The following F2 variants were observed in gnomAD, a reference collection of about 807,000 sequenced individuals.
F2 encodes prothrombin.
Under a neutral mutation model 81.9 loss-of-function variants are expected in F2, and 34 were observed. The observed-to-expected ratio is 0.42, with a 90% CI of 0.32 to 0.55. The LOEUF (loss-of-function observed/expected upper bound fraction) is 0.55, where lower values mean the gene tolerates loss of function less well. Ranked by LOEUF, F2 falls within the 20% of genes least tolerant of loss-of-function variation. The pLI, the probability that F2 is intolerant of heterozygous loss-of-function variation, is 0.18. For missense variants in F2, 630 were observed against 833.4 expected, an observed-to-expected ratio of 0.76 and a Z score of 3.00; for synonymous variants, 296 against 326.4, an observed-to-expected ratio of 0.91 and a Z score of 1.01.
intron 4 of F2, among the ~76,000 whole-genome samples, chr11:46,722,053 C>T (rs1210793445): frequency 1.3e-5 from 2 of 151,946 alleles, no homozygotes; most frequent in African/African-American, 4.8e-5. Context: ...CCATGTTGGC[C>T]AGGCTGGTCA....
At chr11:46,731,912 G>GTTTT (rs71042616) in intron 12 of F2, among the ~76,000 whole-genome samples, 71 of 88,150 alleles carry the variant, frequency 8.1e-4, no homozygotes, top group Admixed American at 1.5e-3. Flanking sequence ...ACACTTTGAT[G>GTTTT]TTTTTTTTTT....
At chr11:46,735,139 C>CTA (rs2064936250) in intron 12 of F2, among the ~76,000 whole-genome samples, 1 of 152,142 alleles carries the variant, frequency 6.6e-6, no homozygotes, top group Non-Finnish European at 1.5e-5. Context: ...TAGCAAGACC[C>CTA]TGTCTCTACA....
At position 46,719,997 on chromosome 11, in the gene F2, C is replaced by G. The variant is rs1592408001; in HGVS notation, c.240+135C>G. 1.6e-6 allele frequency: 2 copies of G among 1,272,264 alleles called. No homozygotes were observed. Among genetic ancestry groups the G allele is most frequent in the Admixed American group, 4.0e-5 (2 of 49,404 alleles). The allele number at this position is 1,272,264 out of a possible 1,614,324, so 78.8% of individuals were successfully genotyped here. A position where few individuals can be genotyped will look rare whatever the true frequency, so the allele number is the denominator to read the frequency against. ...CTCATTTCAACTCTGAGCCCCTCCT[C>G]ACAGGGCTGGCAAGAGGAGCGGCCT... On this transcript the variant is annotated intron_variant, in intron 2 of 13. Transcript: ENST00000311907. This position sits in a 1 kb window ranked among gnomAD's most constrained non-coding sequence, Gnocchi z 4.7.
chr11:46,738,961 G>A (rs975008945), intron 12 of F2, 87 bp from the exon 13 acceptor site: 1 of 1,352,014 alleles, frequency 7.4e-7, no homozygotes, highest in Non-Finnish European at 1.1e-6. Flanking sequence ...GGAGGGGTAA[G>A]TGGACTCTCA....
chr11:46,739,209 A>G, intron 13 of F2, 56 bp from the exon 14 acceptor site: 1 of 1,613,694 alleles, frequency 6.2e-7, no homozygotes, highest in Admixed American at 1.7e-5. Context: ...CTGGCAGGGG[A>G]ATACTGATGT....
At chr11:46,736,284 T>C (rs1046960587) in intron 12 of F2, among the ~76,000 whole-genome samples, 8 of 152,210 alleles carry the variant, frequency 5.3e-5, no homozygotes, top group African/African-American at 1.9e-4. Flanking sequence ...TATCTTATTT[T>C]CATTTATTTA....
In F2 at chr11:46,728,006, C is replaced by G. The variant is rs1000646970; in HGVS notation, c.1141C>G (p.Leu381Val). ...TGCTGCCCCTCCCAGGCAGGTGATGCTTTTCCGGAAGAGTCCCCAGGAGCT... is the reference window on the plus strand; with the variant it reads ...TGCTGCCCCTCCCAGGCAGGTGATGGTTTTCCGGAAGAGTCCCCAGGAGCT... ...EIGMSPWQVM[L>V]FRKSPQELLC... Residue 381 changes from leucine to valine, a missense_variant, in exon 10 of 14, where the codon CTT becomes GTT. Transcript: ENST00000311907. The surrounding 1 kb of genome is among the most constrained non-coding windows in gnomAD (Gnocchi z 5.1). 2 of 1,610,026 alleles carry G rather than the reference C, an allele frequency of 1.2e-6. No individual in the cohort carries two copies. The highest frequency in any genetic ancestry group is 1.7e-6 in the Non-Finnish European group (2 of 1,178,874).
In F2 at chr11:46,728,493, C is replaced by A. The variant is rs1446352066; in HGVS notation, c.1299-171C>A. Among the ~76,000 whole-genome samples, 1 of 152,166 alleles carries A rather than the reference C, an allele frequency of 6.6e-6. No individual in the cohort carries two copies. The highest frequency in any genetic ancestry group is 1.5e-5 in the Non-Finnish European group (1 of 68,028). On this transcript the variant is annotated intron_variant, in intron 10 of 13. Transcript: ENST00000311907. This position sits in a 1 kb window ranked among gnomAD's most constrained non-coding sequence, Gnocchi z 5.1. Reference sequence around the variant, plus strand: ...TGTCTGACTCCAAAGCCCTGCACGGCTTTAGGCCCAGGAAGAAACACCCAG... The same window carrying A: ...TGTCTGACTCCAAAGCCCTGCACGGATTTAGGCCCAGGAAGAAACACCCAG...
In F2 at chr11:46,719,703, G is replaced by A; in HGVS notation, c.81G>A (p.Val27=). The change falls in exon 2 of 14, where the codon GTG becomes GTA. Residue 27 remains valine (V), a splice_region_variant and synonymous_variant. Transcript: ENST00000311907. This position sits in a 1 kb window ranked among gnomAD's most constrained non-coding sequence, Gnocchi z 4.7. ...CATGACCCCCCCACCGCCTTACAGT[G>A]TTCCTGGCTCCTCAGCAAGCACGGT... The part of the protein sequence containing the change: ...ALCSLVHSQH[V]FLAPQQARSL... 2 of 1,589,100 alleles carry A rather than the reference G, an allele frequency of 1.3e-6. No homozygotes were observed. The highest frequency in any genetic ancestry group is 1.7e-6 in the Non-Finnish European group (2 of 1,169,050).
Position 46,728,222 on chromosome 11 carries a change from T to C in F2, c.1298+59T>C. On this transcript the variant is annotated intron_variant, in intron 10 of 13. Coordinates refer to ENST00000311907, the MANE Select transcript of F2 (RefSeq NM_000506.5). This position sits in a 1 kb window ranked among gnomAD's most constrained non-coding sequence, Gnocchi z 5.1. ...GGGTCTGAGTCCTCCAAAGCGATCA[T>C]GAGGGGCCCTGGTGGCTCCGGGACA... 1.9e-6 allele frequency: 3 copies of C among 1,548,964 alleles called. No homozygotes were observed. Among genetic ancestry groups the C allele is most frequent in the Non-Finnish European group, 1.8e-6 (2 of 1,136,990 alleles).
chr11:46,736,695 G>T (rs2064946208), intron 12 of F2, among the ~76,000 whole-genome samples: 1 of 152,222 alleles, frequency 6.6e-6, no homozygotes, highest in Non-Finnish European at 1.5e-5. Context: ...TCTGTGTACA[G>T]CGTCACATTG....
Position 46,726,180 on chromosome 11 carries a change from T to C in F2, c.874+7T>C. The C allele has an allele frequency of 6.2e-7, 1 of 1,612,762 alleles. No homozygotes were observed. The highest frequency in any genetic ancestry group is 1.7e-4 in the Middle Eastern group (1 of 6,060). ...TGCGACCTCAACTATTGTGGTGAGC[T>C]GCCTGGGTAGGGGGCCTGAGTTGCA... On this transcript the variant is annotated splice_region_variant and intron_variant, in intron 7 of 13. Coordinates refer to ENST00000311907, the MANE Select transcript of F2 (RefSeq NM_000506.5). This position sits in a 1 kb window ranked among gnomAD's most constrained non-coding sequence, Gnocchi z 5.9.
Position 46,725,998 on chromosome 11 carries a change from C to T in F2, c.699C>T (p.Pro233=), listed in dbSNP as rs1156387909. The change falls in exon 7 of 14, where the codon CCC becomes CCT. Residue 233 remains proline (P), a synonymous_variant. Transcript: ENST00000311907. ...TGGCGGTGACCACACATGGGCTCCCCTGCCTGGCCTGGGCCAGCGCACAGG... is the reference window on the plus strand; with the variant it reads ...TGGCGGTGACCACACATGGGCTCCCTTGCCTGGCCTGGGCCAGCGCACAGG... ...GRLAVTTHGL[P]CLAWASAQAK... is the part of the protein sequence containing the mutation. 3.7e-6 allele frequency: 6 copies of T among 1,614,000 alleles called. No homozygotes were observed. Among genetic ancestry groups the T allele is most frequent in the Non-Finnish European group, 5.1e-6 (6 of 1,179,980 alleles).
At chr11:46,736,181 A>G (rs2064943437) in intron 12 of F2, among the ~76,000 whole-genome samples, 1 of 152,216 alleles carries the variant, frequency 6.6e-6, no homozygotes, top group South Asian at 2.1e-4. Flanking sequence ...CCAGCCTGGC[A>G]ACAGAGCGAG....
Position 46,719,396 on chromosome 11 carries a change from C to T in F2, c.79+82C>T, listed in dbSNP as rs1235880637. On this transcript the variant is annotated intron_variant, in intron 1 of 13. Coordinates refer to ENST00000311907, the MANE Select transcript of F2 (RefSeq NM_000506.5). This position sits in a 1 kb window ranked among gnomAD's most constrained non-coding sequence, Gnocchi z 4.7. ...GCTGGGGTCTCCTGGCTGGACAGAG[C>T]ACACAGAGCTGGCCCCTAAGTAGGT... is the stretch of plus-strand genomic sequence containing the variant. 3 of 1,481,122 alleles carry T rather than the reference C, an allele frequency of 2.0e-6. No homozygotes were observed. Among genetic ancestry groups the T allele is most frequent in the Non-Finnish European group, 2.8e-6 (3 of 1,082,440 alleles). 91.7% of individuals were successfully genotyped at this position (1,481,122 alleles called of 1,614,324 possible).
At chr11:46,730,786 T>TATATATATATA in intron 12 of F2, among the ~76,000 whole-genome samples, 1 of 140,180 alleles carries the variant, frequency 7.1e-6, no homozygotes, top group Non-Finnish European at 1.6e-5. Context: ...GTGGGAATTT[T>TATATATATATA]TATATATATA....
At chr11:46,736,421 C>A (rs981875652) in intron 12 of F2, among the ~76,000 whole-genome samples, 3 of 152,152 alleles carry the variant, frequency 2.0e-5, no homozygotes, top group African/African-American at 7.2e-5. Context: ...CCATACCTGA[C>A]CTAGGTTTTA....
chr11:46,719,477 G>T lies in F2; in HGVS notation c.79+163G>T. The T allele has an allele frequency of 1.0e-6, 1 of 994,260 alleles. No homozygotes were observed. 61.6% of individuals were successfully genotyped at this position (994,260 alleles called of 1,614,324 possible). ...AGTCAGGAGCTCAGGGCTGGAAAGA[G>T]AATGGCTGCTTCTCTCTTCCAATAT... On this transcript the variant is annotated intron_variant, in intron 1 of 13. Coordinates refer to ENST00000311907, the MANE Select transcript of F2 (RefSeq NM_000506.5). The surrounding 1 kb of genome is among the most constrained non-coding windows in gnomAD (Gnocchi z 4.7).
rs1329073250 is a variant in F2, at chr11:46,720,869, A to C, written c.316+29A>C. The C allele has an allele frequency of 2.5e-6, 4 of 1,613,050 alleles. No homozygotes were observed. In the East Asian group the frequency reaches 8.9e-5, roughly 36 times the overall value. On this transcript the variant is annotated intron_variant, in intron 4 of 13. Transcript: ENST00000311907. Reference sequence around the variant, plus strand: ...AGCAACTGACACGGGTTTGGGGAGCAGGACATGGAGGGGAGCCTGGGAGAA... The same window carrying C: ...AGCAACTGACACGGGTTTGGGGAGCCGGACATGGAGGGGAGCCTGGGAGAA...
Sources: allele counts gnomAD v4.1 joint callset (sites outside exome capture counted in the v4.1 genomes callset), GRCh38; gene constraint gnomAD v4.1.1; non-coding constraint Gnocchi (gnomAD v3.1); transcripts MANE v1.5; gene names NCBI Gene and HGNC (gene_info 2026-07-23, HGNC 2026-07-21).